Variants in XDH observed in about 807,000 individuals in gnomAD.
XDH encodes the protein xanthine dehydrogenase/oxidase.
XDH carries 138 observed loss-of-function variants against 156.1 expected under a neutral mutation model. That is an observed-to-expected ratio of 0.88 (90% CI 0.77 to 1.02). The LOEUF (loss-of-function observed/expected upper bound fraction) is 1.02. Among genes scored for constraint, XDH ranks in the 50% least tolerant of loss-of-function variants. The pLI is 0.00. For synonymous variants in XDH, 669 were observed against 625.7 expected, an observed-to-expected ratio of 1.07 and a Z score of -1.03; for missense variants, 1,849 against 1,684.9, an observed-to-expected ratio of 1.10 and a Z score of -1.71.
chr2:31,346,911 G>A (rs959258538), intron 29 of XDH, 68 bp from the exon 30 acceptor site: 27 of 1,604,214 alleles, frequency 1.7e-5, no homozygotes, highest in Admixed American at 6.7e-5. Context: ...GGCAAAACCC[G>A]AGGGCCCCAG....
At chr2:31,353,982 A>G (rs1319654123) in intron 24 of XDH, among the ~76,000 whole-genome samples, 1 of 152,174 alleles carries the variant, frequency 6.6e-6, no homozygotes, top group African/African-American at 2.4e-5. Flanking sequence ...TTCCCCACCC[A>G]CATAACAAAG....
Position 31,405,773 on chromosome 2 carries a change from C to T in XDH, c.100+134G>A. The T allele has an allele frequency of 5.4e-6, 5 of 933,938 alleles. No homozygotes were observed. In the South Asian group the frequency reaches 6.9e-5, roughly 13 times the overall value. The allele number at this position is 933,938 out of a possible 1,614,324, so 57.9% of individuals were successfully genotyped here. On this transcript the variant is annotated intron_variant, in intron 2 of 35. Transcript: ENST00000379416. ...CAGGTGCAACTAAAATGCAAGTGTC[C>T]CAAGTCCTAATCCAGTGCTCTTTCC...
intron 24 of XDH, among the ~76,000 whole-genome samples, chr2:31,352,457 T>C (rs1685512178): frequency 6.6e-6 from 1 of 152,208 alleles, no homozygotes. Context: ...TCATCCTAAA[T>C]GATTTTTCTA....
chr2:31,339,774 G>T, intron 33 of XDH, 97 bp from the exon 34 acceptor site: 1 of 1,490,398 alleles, frequency 6.7e-7, no homozygotes, highest in Non-Finnish European at 9.1e-7. Context: ...ACTGCAGCGC[G>T]GCCTGGAATG....
In XDH at chr2:31,397,718, G is replaced by A. The variant is rs72549369; in HGVS notation, c.445C>T (p.Arg149Cys). The A allele has an allele frequency of 2.4e-5, 39 of 1,614,030 alleles. No homozygotes were observed. Among genetic ancestry groups the A allele is most frequent in the South Asian group, 8.8e-5 (8 of 91,076 alleles). ...AGGATGGGTCTGTAGCCTGTGCAGC[G>A]GCACAGATTTCCTGTGGGCCAAGGA... is the stretch of plus-strand genomic sequence containing the variant. ...IENAFQGNLC[R>C]CTGYRPILQG... Residue 149 changes from arginine to cysteine, a missense_variant, in exon 6 of 36, where the codon CGC (arginine) becomes TGC (cysteine). Arg to Cys is a radical substitution (Grantham distance 180, BLOSUM62 -3). Transcript: ENST00000379416.
chr2:31,337,814 C>A lies in XDH; in HGVS notation c.3778G>T (p.Val1260Phe). The change falls in exon 35 of 36, where the codon GTT (valine) becomes TTT (phenylalanine). Residue 1260 changes from valine (V) to phenylalanine (F), a missense_variant. By Grantham distance (50) the Val-to-Phe change is conservative (BLOSUM62 -1). Transcript: ENST00000379416. ...GCCAGGAAGAGGGGCGGCTCTCCAA[C>A]AGCCTGAACACAGACAGGGCACAGG... ...NKKAIYASKAVGEPPLFLAAS... is the reference protein window; with the variant it reads ...NKKAIYASKAFGEPPLFLAAS... 6.2e-7 allele frequency: 1 copy of A among 1,614,032 alleles called. No homozygotes were observed. Among genetic ancestry groups the A allele is most frequent in the Non-Finnish European group, 8.5e-7 (1 of 1,179,984 alleles).
chr2:31,343,043 G>A (rs1414964384), intron 31 of XDH, among the ~76,000 whole-genome samples: 2 of 151,874 alleles, frequency 1.3e-5, no homozygotes, highest in Non-Finnish European at 2.9e-5. Flanking sequence ...AACATGAGCT[G>A]ATATGACCAG....
At chr2:31,382,931 A>T in intron 11 of XDH, 70 bp downstream of exon 11, 1 of 1,608,574 alleles carries the variant, frequency 6.2e-7, no homozygotes, top group Non-Finnish European at 8.5e-7. Context: ...ACACAGTGAG[A>T]GTCTGGCTGC....
In XDH at chr2:31,347,648, C is replaced by T. The variant is rs747398115; in HGVS notation, c.3150G>A (p.Val1050=). The change falls in exon 29 of 36, where the codon GTG becomes GTA. Residue 1050 remains valine (V), a splice_region_variant and synonymous_variant. Coordinates refer to ENST00000379416, the MANE Select transcript of XDH (RefSeq NM_000379.4). ...TGGGGATTTTCAGAGCTCTACTGGC[C>T]ACCTGCGAAAAGAGAAGACATTGCC... The part of the protein sequence containing the change: ...GQGLHTKMVQ[V]ASRALKIPTS... 9 of 1,613,592 alleles carry T rather than the reference C, an allele frequency of 5.6e-6. No homozygotes were observed. Among genetic ancestry groups the T allele is most frequent in the Non-Finnish European group, 5.9e-6 (7 of 1,179,610 alleles).
intron 6 of XDH, among the ~76,000 whole-genome samples, chr2:31,393,416 C>T (rs138242554): frequency 3.3e-5 from 5 of 152,186 alleles, no homozygotes; most frequent in African/African-American, 1.2e-4. Context: ...TTGCTCTGTC[C>T]AAAATTAATA....
chr2:31,389,357 G>A (rs1014157138), intron 6 of XDH, among the ~76,000 whole-genome samples: 1 of 151,762 alleles, frequency 6.6e-6, no homozygotes, highest in Non-Finnish European at 1.5e-5. Context: ...ACCTGGACAC[G>A]CTGCTCCGTG....
chr2:31,372,237 G>T lies in XDH; in HGVS notation c.1847C>A (p.Ala616Asp). Residue 616 changes from alanine to aspartate, a missense_variant, in exon 17 of 36, where the codon GCC becomes GAC. Coordinates refer to ENST00000379416, the MANE Select transcript of XDH (RefSeq NM_000379.4). ...LRLVTSTRAH[A>D]KIKSIDTSEA... ...TGGCGGTGTCACTCACTTGATCTTG[G>T]CGTGGGCCCGGGTGCTGGTGACCAG... The T allele has an allele frequency of 6.2e-7, 1 of 1,614,190 alleles. No homozygotes were observed. Among genetic ancestry groups the T allele is most frequent in the South Asian group, 1.1e-5 (1 of 91,080 alleles).
chr2:31,377,332 G>T, intron 13 of XDH, 95 bp from the exon 14 acceptor site: 5 of 1,367,946 alleles, frequency 3.7e-6, no homozygotes, highest in Non-Finnish European at 5.2e-6. Flanking sequence ...TGAGGTGAGG[G>T]GATAACACCA....
intron 23 of XDH, among the ~76,000 whole-genome samples, chr2:31,364,990 G>A (rs906748064): frequency 2.0e-5 from 3 of 152,180 alleles, no homozygotes; most frequent in Admixed American, 6.5e-5. Context: ...CTGTCCCAGA[G>A]AGAAGTGTGG....
Position 31,373,864 on chromosome 2 carries a change from C to A in XDH, c.1686+9G>T. The A allele has an allele frequency of 6.2e-7, 1 of 1,613,516 alleles. No homozygotes were observed. The highest frequency in any genetic ancestry group is 8.5e-7 in the Non-Finnish European group (1 of 1,179,650). ...CCCCTGATATTAGCCATACACTGACCGTACTCACTTGGAAGAGCTGGACAT... is the reference window on the plus strand; with the variant it reads ...CCCCTGATATTAGCCATACACTGACAGTACTCACTTGGAAGAGCTGGACAT... On this transcript the variant is annotated intron_variant, in intron 16 of 35. Coordinates refer to ENST00000379416, the MANE Select transcript of XDH (RefSeq NM_000379.4).
intron 1 of XDH, among the ~76,000 whole-genome samples, chr2:31,407,183 T>C (rs1558318545): frequency 1.3e-5 from 2 of 152,160 alleles, no homozygotes; most frequent in Admixed American, 1.3e-4. Context: ...GGAGCTTGCT[T>C]TGTGCTACAT....
rs1558698665 is a variant in XDH at position 31,381,627 on chromosome 2, G to A, written c.1132+6C>T. On this transcript the variant is annotated splice_donor_region_variant and intron_variant, in intron 12 of 35. Transcript: ENST00000379416. ...TCTTCCTGGACCTCTGCTTCAGGCAGCTCACCTCTGGACACAAGTGTCAGC... is the reference window on the plus strand; with the variant it reads ...TCTTCCTGGACCTCTGCTTCAGGCAACTCACCTCTGGACACAAGTGTCAGC... The A allele has an allele frequency of 6.2e-7, 1 of 1,613,998 alleles. No homozygotes were observed. Among genetic ancestry groups the A allele is most frequent in the Admixed American group, 1.7e-5 (1 of 60,026 alleles).
At chr2:31,357,518 AAAGAG>A (rs1360530934) in intron 24 of XDH, among the ~76,000 whole-genome samples, 1 of 152,168 alleles carries the variant, frequency 6.6e-6, no homozygotes, top group African/African-American at 2.4e-5. Flanking sequence ...TCATGGAGAT[AAAGAG>A]TAGAATGATG....
At chr2:31,357,681 T>C (rs1685661685) in intron 24 of XDH, among the ~76,000 whole-genome samples, 2 of 151,898 alleles carry the variant, frequency 1.3e-5, no homozygotes, top group African/African-American at 4.8e-5. Context: ...TAATTTATCG[T>C]ATATTTAAAA....
Sources: allele counts gnomAD v4.1 joint callset (sites outside exome capture counted in the v4.1 genomes callset), GRCh38; gene constraint gnomAD v4.1.1; transcripts MANE v1.5; gene names NCBI Gene and HGNC (gene_info 2026-07-23, HGNC 2026-07-21).